PTPRE: variants seen among roughly 807,000 people sequenced by gnomAD.
PTPRE encodes the protein protein tyrosine phosphatase receptor type E.
In PTPRE, 51 loss-of-function variants were observed where a neutral mutation model predicts 102.0. The ratio of observed to expected loss-of-function variants is 0.50; its 90% CI spans 0.40 to 0.63. The LOEUF is 0.63. Ranked by LOEUF, PTPRE falls within the 30% of genes least tolerant of loss-of-function variation. The pLI, the probability that PTPRE is intolerant of heterozygous loss-of-function variation, is 0.00. For missense variants in PTPRE, 752 were observed against 915.1 expected (o/e 0.82, Z 2.30); for synonymous variants, 345 against 348.2 (o/e 0.99, Z 0.10).
chr10:127,960,714 C>A (rs780194152), intron 1 of PTPRE, among the ~76,000 whole-genome samples: 2 of 152,154 alleles, frequency 1.3e-5, no homozygotes, highest in Non-Finnish European at 2.9e-5. Context: ...AGTCCAAATA[C>A]GTGAGGCTTT....
chr10:127,923,547 GC>G (rs1203076878), intron 1 of PTPRE, among the ~76,000 whole-genome samples: 4 of 152,052 alleles, frequency 2.6e-5, no homozygotes, highest in East Asian at 3.9e-4. Context: ...GGGATTACAG[GC>G]GCCCGCCACC....
chr10:127,979,300 T>A (rs1449230059), intron 1 of PTPRE, among the ~76,000 whole-genome samples: 1 of 152,204 alleles, frequency 6.6e-6, no homozygotes, highest in East Asian at 1.9e-4. Flanking sequence ...AACCCCCAGC[T>A]TTTAAATGTG....
At chr10:128,080,902 G>A (rs998016811) in intron 20 of PTPRE, among the ~76,000 whole-genome samples, 15 of 152,320 alleles carry the variant, frequency 9.8e-5, no homozygotes, top group African/African-American at 2.9e-4. Flanking sequence ...GGCGTTGGGC[G>A]CAGTGCAACC....
chr10:127,979,153 C>T (rs564304332), intron 1 of PTPRE, among the ~76,000 whole-genome samples: 15 of 152,342 alleles, frequency 9.8e-5, no homozygotes, highest in Admixed American at 5.2e-4. Context: ...GAAATCTAAG[C>T]TCATCTCTCC....
rs1846426768 is a variant in PTPRE at position 128,028,169 on chromosome 10, C to T, written c.-7-12706C>T. Among the ~76,000 whole-genome samples, 1 of 152,210 alleles carries T rather than the reference C, an allele frequency of 6.6e-6. No homozygotes were observed. The highest frequency in any genetic ancestry group is 2.1e-4 in the South Asian group (1 of 4,830). On this transcript the variant is annotated intron_variant, in intron 2 of 20. Coordinates refer to ENST00000254667, the MANE Select transcript of PTPRE (RefSeq NM_006504.6). This position sits in a 1 kb window ranked among gnomAD's most constrained non-coding sequence, Gnocchi z 4.5. ...TGCGGCAGACACATTATTCACAGAA[C>T]TTTCTCCAAAGGAGGTTAGCCATGT...
intron 1 of PTPRE, among the ~76,000 whole-genome samples, chr10:127,980,716 C>T (rs1411840191): frequency 6.6e-6 from 1 of 152,094 alleles, no homozygotes; most frequent in Non-Finnish European, 1.5e-5. Context: ...CCTCATGGGT[C>T]AGCTTTTAAA....
intron 1 of PTPRE, 40 bp from the exon 2 acceptor site, chr10:127,982,234 A>T: frequency 8.1e-7 from 1 of 1,227,138 alleles, no homozygotes; most frequent in Non-Finnish European, 1.1e-6. Context: ...AACTCCTGTT[A>T]ACCAGAAAAC....
chr10:127,963,993 A>G (rs745728224), intron 1 of PTPRE, among the ~76,000 whole-genome samples: 9 of 152,166 alleles, frequency 5.9e-5, no homozygotes, highest in Non-Finnish European at 8.8e-5. Context: ...AAAGTGAGCC[A>G]CAGGATTAGT....
At chr10:128,023,301 G>A (rs1743518856) in intron 2 of PTPRE, among the ~76,000 whole-genome samples, 1 of 151,624 alleles carries the variant, frequency 6.6e-6, no homozygotes, top group Admixed American at 6.6e-5. Flanking sequence ...TACATAGTAT[G>A]TATAGGAAAA....
intron 1 of PTPRE, among the ~76,000 whole-genome samples, chr10:127,961,353 G>A (rs1177605893): frequency 6.6e-6 from 1 of 152,040 alleles, no homozygotes; most frequent in East Asian, 1.9e-4. Context: ...TGTTGGGGAG[G>A]TGTTGTAAGG....
At chr10:128,047,111 C>T (rs958074884) in intron 3 of PTPRE, among the ~76,000 whole-genome samples, 18 of 152,308 alleles carry the variant, frequency 1.2e-4, no homozygotes, top group South Asian at 2.1e-4. Context: ...GCAGCCAGGC[C>T]GTGTGGGGGT....
chr10:128,061,241 G>A (rs1295118693), intron 8 of PTPRE, among the ~76,000 whole-genome samples: 3 of 152,246 alleles, frequency 2.0e-5, no homozygotes, highest in African/African-American at 7.2e-5. Context: ...ACAGCATTAT[G>A]TATATTCCTG....
chr10:128,055,989 G>A (rs1467010500), intron 6 of PTPRE, 134 bp from the exon 7 acceptor site: 6 of 689,888 alleles, frequency 8.7e-6, no homozygotes, highest in Non-Finnish European at 1.3e-5. Flanking sequence ...CAAGGTCTGA[G>A]GCAGAGACGG....
chr10:127,943,895 T>C (rs1443361135), intron 1 of PTPRE, among the ~76,000 whole-genome samples: 1 of 151,888 alleles, frequency 6.6e-6, no homozygotes, highest in Non-Finnish European at 1.5e-5. Flanking sequence ...TTGGGCATGG[T>C]GTATGAGTGT....
At chr10:127,971,785 G>C (rs1260382659) in intron 1 of PTPRE, among the ~76,000 whole-genome samples, 3 of 152,244 alleles carry the variant, frequency 2.0e-5, no homozygotes, top group Non-Finnish European at 4.4e-5. Flanking sequence ...GGCCAGCCAT[G>C]TGGGTGGCTC....
intron 1 of PTPRE, chr10:127,964,924 T>C: frequency 2.2e-6 from 1 of 453,660 alleles, no homozygotes; most frequent in South Asian, 1.6e-5. Context: ...GGGAGTTCCC[T>C]GGACCCCACG....
At chr10:128,063,760 G>GCCAGCTCTGTC (rs1564949338) in intron 10 of PTPRE, among the ~76,000 whole-genome samples, 2 of 152,202 alleles carry the variant, frequency 1.3e-5, no homozygotes, top group African/African-American at 4.8e-5. Flanking sequence ...GCTGTGCTGG[G>GCCAGCTCTGTC]CCAGCTCTGT....
intron 1 of PTPRE, among the ~76,000 whole-genome samples, chr10:127,972,971 A>G (rs1030685051): frequency 6.6e-6 from 1 of 152,234 alleles, no homozygotes; most frequent in African/African-American, 2.4e-5. Context: ...TGAGTTGTAA[A>G]GAAAGAAAAT....
chr10:128,053,393 GC>G (rs1204207474), intron 6 of PTPRE, among the ~76,000 whole-genome samples: 1 of 152,210 alleles, frequency 6.6e-6, no homozygotes, highest in Admixed American at 6.5e-5. Flanking sequence ...CAAGCCCCAA[GC>G]AAGACACTGC....
Sources: allele counts gnomAD v4.1 joint callset (sites outside exome capture counted in the v4.1 genomes callset), GRCh38; gene constraint gnomAD v4.1.1; non-coding constraint Gnocchi (gnomAD v3.1); transcripts MANE v1.5; gene names NCBI Gene and HGNC (gene_info 2026-07-23, HGNC 2026-07-21).